The following TNPO1 variants were observed in gnomAD, a reference collection of about 807,000 sequenced individuals.
The protein encoded by TNPO1 is transportin 1, also known as transportin-1.
TNPO1 carries 8 observed loss-of-function variants against 119.5 expected under a neutral mutation model. The ratio of observed to expected loss-of-function variants is 0.07; its 90% CI spans 0.04 to 0.12. The LOEUF (loss-of-function observed/expected upper bound fraction) is 0.12, where lower values mean the gene tolerates loss of function less well. Among genes scored for constraint, TNPO1 ranks in the 10% least tolerant of loss-of-function variants. TNPO1 has a pLI of 1.00. For missense variants in TNPO1, 576 were observed against 1,089.8 expected, an observed-to-expected ratio of 0.53 and a Z score of 6.64; for synonymous variants, 362 against 363.0, an observed-to-expected ratio of 1.00 and a Z score of 0.03.
At chr5:72,906,752 A>G (rs965554512) in intron 24 of TNPO1, among the ~76,000 whole-genome samples, 1 of 152,202 alleles carries the variant, frequency 6.6e-6, no homozygotes, top group African/African-American at 2.4e-5. Context: ...GTTGAGGATT[A>G]AATACTATAC....
Position 72,857,273 on chromosome 5 carries a change from A to G in TNPO1, c.355+1350A>G, listed in dbSNP as rs1032584070. Among the ~76,000 whole-genome samples, 4 of 151,908 alleles carry G rather than the reference A, an allele frequency of 2.6e-5. No individual in the cohort carries two copies. The East Asian group carries it at 5.8e-4, about 22-fold the overall frequency. ...GTGCAGGTTGCAGTAAGCTGAGATC[A>G]CGCCATTGCACTGCAGCCTGGGTGA... On this transcript the variant is annotated intron_variant, in intron 4 of 24. Coordinates refer to ENST00000337273, the MANE Select transcript of TNPO1 (RefSeq NM_002270.4).
In TNPO1 at chr5:72,909,061, C is replaced by G. The variant is rs892265330; in HGVS notation, c.*388C>G. 2 of 226,980 alleles carry G rather than the reference C, an allele frequency of 8.8e-6. No homozygotes were observed. Among genetic ancestry groups the G allele is most frequent in the Non-Finnish European group, 9.1e-6 (1 of 109,678 alleles). 14.1% of individuals were successfully genotyped at this position (226,980 alleles called of 1,614,324 possible). On this transcript the variant is annotated 3_prime_UTR_variant, in exon 25 of 25. Transcript: ENST00000337273. ...GATGCCTAGGGACAAGAAAGAGGAA[C>G]AATTCTATAGCGCACAATAAAGGAA...
intron 9 of TNPO1, among the ~76,000 whole-genome samples, chr5:72,879,560 G>T (rs1748073261): frequency 6.6e-6 from 1 of 152,156 alleles, no homozygotes; most frequent in Admixed American, 6.5e-5. Context: ...CGGTCTCACT[G>T]TATTGCCCAA....
At chr5:72,881,804 T>C (rs1208561878) in intron 9 of TNPO1, among the ~76,000 whole-genome samples, 2 of 152,244 alleles carry the variant, frequency 1.3e-5, no homozygotes, top group African/African-American at 4.8e-5. Flanking sequence ...CTGTATAGTA[T>C]AAATTTTTCT....
At chr5:72,863,340 G>A (rs547756683) in intron 5 of TNPO1, among the ~76,000 whole-genome samples, 3 of 152,196 alleles carry the variant, frequency 2.0e-5, no homozygotes, top group Non-Finnish European at 4.4e-5. Flanking sequence ...GAAACTATCC[G>A]CCATGGTGGC....
intron 4 of TNPO1, among the ~76,000 whole-genome samples, chr5:72,859,338 C>T (rs1202938701): frequency 1.3e-5 from 2 of 152,208 alleles, no homozygotes; most frequent in Non-Finnish European, 2.9e-5. Flanking sequence ...AGCCACATAC[C>T]CTGCTGTAGC....
chr5:72,910,593 G>A lies in TNPO1; in HGVS notation c.*1920G>A, dbSNP rs1359984684. The stretch of plus-strand genomic sequence containing the variant: ...GCCATAACAGCCTTTTTATATTTTA[G>A]TTTGTCACCTTTGCATTGCAGAATA... On this transcript the variant is annotated 3_prime_UTR_variant, in exon 25 of 25. Transcript: ENST00000337273. 1 of 152,460 alleles carries A rather than the reference G, an allele frequency of 6.6e-6. No homozygotes were observed. Among genetic ancestry groups the A allele is most frequent in the East Asian group, 1.9e-4 (1 of 5,200 alleles). The allele number at this position is 152,460 out of a possible 1,614,324, so 9.4% of individuals were successfully genotyped here. A position where few individuals can be genotyped will look rare whatever the true frequency, so the allele number is the denominator to read the frequency against.
At chr5:72,893,064 G>A in intron 15 of TNPO1, 75 bp from the exon 16 acceptor site, 7 of 1,116,690 alleles carry the variant, frequency 6.3e-6, no homozygotes, top group Non-Finnish European at 9.3e-6. Flanking sequence ...GGATCCTGTT[G>A]AGCGCAGTTT....
rs140142526 is a variant in TNPO1 at position 72,826,791 on chromosome 5, G to A, written c.15+10039G>A. ...TGTATTTAATTCCATAGAGAAGAACGCTACAAGGATACATAACCAAATGCA... is the reference window on the plus strand; with the variant it reads ...TGTATTTAATTCCATAGAGAAGAACACTACAAGGATACATAACCAAATGCA... On this transcript the variant is annotated intron_variant, in intron 1 of 24. Coordinates refer to ENST00000337273, the MANE Select transcript of TNPO1 (RefSeq NM_002270.4). 1.3e-3 allele frequency among the ~76,000 whole-genome samples: 202 copies of A among 152,208 alleles called. 1 individual carries two copies. The highest frequency in any genetic ancestry group is 4.6e-3 in the African/African-American group (192 of 41,528).
intron 4 of TNPO1, among the ~76,000 whole-genome samples, chr5:72,858,482 A>T (rs1746166868): frequency 6.6e-6 from 1 of 152,194 alleles, no homozygotes; most frequent in African/African-American, 2.4e-5. Flanking sequence ...AAGGTGGTGG[A>T]AAGTATGATT....
At chr5:72,822,590 C>CTT (rs766069525) in intron 1 of TNPO1, among the ~76,000 whole-genome samples, 21 of 132,904 alleles carry the variant, frequency 1.6e-4, no homozygotes, top group East Asian at 4.3e-4. Flanking sequence ...AAGTTCTACA[C>CTT]TTTTTTTTTT....
At chr5:72,884,970 CTA>C (rs1363257156) in intron 11 of TNPO1, among the ~76,000 whole-genome samples, 1 of 152,186 alleles carries the variant, frequency 6.6e-6, no homozygotes, top group East Asian at 1.9e-4. Flanking sequence ...TTTCTAATAA[CTA>C]TGATTAAAGC....
chr5:72,826,797 A>G (rs1460644569), intron 1 of TNPO1, among the ~76,000 whole-genome samples: 1 of 152,222 alleles, frequency 6.6e-6, no homozygotes, highest in African/African-American at 2.4e-5. Flanking sequence ...GAACGCTACA[A>G]GGATACATAA....
chr5:72,850,466 C>G (rs1745457189), intron 2 of TNPO1, among the ~76,000 whole-genome samples: 1 of 152,144 alleles, frequency 6.6e-6, no homozygotes, highest in Non-Finnish European at 1.5e-5. Flanking sequence ...GAGTTTGATT[C>G]ATGGATTTAA....
At chr5:72,842,312 A>G (rs555042793) in intron 1 of TNPO1, among the ~76,000 whole-genome samples, 1 of 152,252 alleles carries the variant, frequency 6.6e-6, no homozygotes, top group African/African-American at 2.4e-5. Flanking sequence ...AGGGGCTTCC[A>G]GACTGGACAC....
intron 1 of TNPO1, among the ~76,000 whole-genome samples, chr5:72,843,974 C>T (rs1204024859): frequency 2.0e-5 from 3 of 152,178 alleles, no homozygotes; most frequent in Non-Finnish European, 4.4e-5. Flanking sequence ...TTTTACTTAT[C>T]TTTGAATCTC....
chr5:72,886,941 C>A, intron 11 of TNPO1, 129 bp from the exon 12 acceptor site: 2 of 715,310 alleles, frequency 2.8e-6, no homozygotes, highest in Non-Finnish European at 4.0e-6. Flanking sequence ...GACAAACTAC[C>A]TCCTATTCAA....
chr5:72,894,531 C>T (rs751544172), intron 18 of TNPO1, among the ~76,000 whole-genome samples: 1 of 152,108 alleles, frequency 6.6e-6, no homozygotes, highest in East Asian at 1.9e-4. Flanking sequence ...CTTAGCCAGG[C>T]GTGGTGGCTT....
intron 1 of TNPO1, among the ~76,000 whole-genome samples, chr5:72,822,415 T>C (rs892168691): frequency 3.9e-5 from 6 of 152,024 alleles, no homozygotes; most frequent in Non-Finnish European, 8.8e-5. Flanking sequence ...AATATATCGG[T>C]ACGGCTATTT....
Sources: gnomAD v4.1 joint callset for allele counts (sites outside exome capture counted in the v4.1 genomes callset) on GRCh38, gnomAD v4.1.1 for gene constraint, MANE v1.5 for transcripts, NCBI Gene and HGNC (gene_info 2026-07-23, HGNC 2026-07-21) for gene names.